Variants in NVL observed in about 807,000 individuals in gnomAD.
NVL encodes nuclear VCP like, also known as nuclear valosin-containing protein-like.
In NVL, 84 loss-of-function variants were observed where a neutral mutation model predicts 110.2. The ratio of observed to expected loss-of-function variants is 0.76; its 90% CI spans 0.64 to 0.91. The LOEUF (loss-of-function observed/expected upper bound fraction) is 0.91. NVL is among the 40% of genes least tolerant of loss of function. The pLI is 0.00. For missense variants in NVL, 882 were observed against 1,035.9 expected, an observed-to-expected ratio of 0.85 and a Z score of 2.04; for synonymous variants, 354 against 361.1, an observed-to-expected ratio of 0.98 and a Z score of 0.22.
chr1:224,323,530 C>T (rs1321974538), intron 2 of NVL, among the ~76,000 whole-genome samples: 1 of 152,200 alleles, frequency 6.6e-6, no homozygotes, highest in African/African-American at 2.4e-5. Context: ...AACAGAAACA[C>T]TGCCAGCTTG....
rs769271430 is a variant in NVL, at chr1:224,305,130, T to G, written c.652A>C (p.Lys218Gln). The change falls in exon 7 of 23, where the codon AAA (lysine) becomes CAA (glutamine). Residue 218 changes from lysine (K) to glutamine (Q), a missense_variant. Physicochemically the swap from Lys to Gln is moderately conservative, Grantham distance 53 (BLOSUM62 1). This residue lies in a region of NVL where 274 missense variants were observed against 268.4 expected (regional missense o/e 1.02). Transcript: ENST00000281701. ...KDSSLLESDM[K>Q]RKGKLKNKGS... is the part of the protein sequence containing the mutation. ...TTATTCTTTAGCTTGCCTTTCCGTT[T>G]CATATCACTCTCCAAAAGAGAAGAA... The G allele has an allele frequency of 3.5e-5, 56 of 1,613,406 alleles. No individual in the cohort carries two copies. The highest frequency in any genetic ancestry group is 4.6e-5 in the Non-Finnish European group (54 of 1,179,862).
intron 18 of NVL, among the ~76,000 whole-genome samples, chr1:224,252,360 G>T (rs10916569): frequency 1.8e-3 from 267 of 152,066 alleles, no homozygotes; most frequent in African/African-American, 6.0e-3. Context: ...CCTCCACAAA[G>T]ACCCCATTTT....
At position 224,294,327 on chromosome 1, in the gene NVL, C is replaced by A. The variant is rs746278047; in HGVS notation, c.1265G>T (p.Arg422Leu). 9 of 1,613,970 alleles carry A rather than the reference C, an allele frequency of 5.6e-6. No individual in the cohort carries two copies. The East Asian group carries it at 1.8e-4, about 32-fold the overall frequency. ...TATTTCTCGGTCGAACCTTCCCGCA[C>A]GTCTCAAAGCAGGGTCTAACGAGTC... ...RPDSLDPALR[R>L]AGRFDREICL... Residue 422 changes from arginine to leucine, a missense_variant, in exon 12 of 23, where the codon CGT (arginine) becomes CTT (leucine). Arg to Leu is a moderately radical substitution (Grantham distance 102). Transcript: ENST00000281701.
chr1:224,318,143 T>C (rs1211771719), intron 2 of NVL, among the ~76,000 whole-genome samples: 1 of 152,222 alleles, frequency 6.6e-6, no homozygotes, highest in Non-Finnish European at 1.5e-5. Flanking sequence ...CTTTTTTGCT[T>C]CAAATATTTT....
chr1:224,287,591 G>A (rs1001515018), intron 14 of NVL, among the ~76,000 whole-genome samples, 184 bp downstream of exon 14: 6 of 151,838 alleles, frequency 4.0e-5, no homozygotes, highest in Non-Finnish European at 5.9e-5. Flanking sequence ...TAAACAAATC[G>A]GATCTCAAAC....
At chr1:224,314,630 G>A (rs887942152) in intron 4 of NVL, among the ~76,000 whole-genome samples, 6 of 151,992 alleles carry the variant, frequency 3.9e-5, no homozygotes, top group Non-Finnish European at 7.4e-5. Context: ...AACTGTGGTC[G>A]AACACTAACA....
In NVL at chr1:224,303,797, C is replaced by T; in HGVS notation, c.886G>A (p.Val296Met). ...HPEVYHHLGVVPPRGVLLHGP... is the reference protein window; with the variant it reads ...HPEVYHHLGVMPPRGVLLHGP... ...TGAAGGAGAACTCCACGAGGGGGCACGACGCCCAGGTGGTGGTACACCTCC... is the reference window on the plus strand; with the variant it reads ...TGAAGGAGAACTCCACGAGGGGGCATGACGCCCAGGTGGTGGTACACCTCC... The change falls in exon 9 of 23, where the codon GTG (valine) becomes ATG (methionine). Residue 296 changes from valine to methionine, a missense_variant. Around this residue, in one of 4 missense-constraint regions of NVL, gnomAD observed 416 missense variants for 499.3 expected, o/e 0.83. Coordinates refer to ENST00000281701, the MANE Select transcript of NVL (RefSeq NM_002533.4). 5 of 1,613,446 alleles carry T rather than the reference C, an allele frequency of 3.1e-6. No individual in the cohort carries two copies. Among genetic ancestry groups the T allele is most frequent in the South Asian group, 1.1e-5 (1 of 90,930 alleles).
chr1:224,303,988 G>T, intron 8 of NVL, 131 bp from the exon 9 acceptor site: 1 of 981,106 alleles, frequency 1.0e-6, no homozygotes, highest in Non-Finnish European at 1.4e-6. Context: ...ATCAGACTTT[G>T]AATCCTGGCT....
At chr1:224,265,161 G>T (rs192341848) in intron 18 of NVL, among the ~76,000 whole-genome samples, 2 of 151,976 alleles carry the variant, frequency 1.3e-5, no homozygotes, top group African/African-American at 4.8e-5. Context: ...ACAAAACACC[G>T]GTACCACATT....
chr1:224,264,967 G>A (rs778034511), intron 18 of NVL, among the ~76,000 whole-genome samples: 1 of 151,930 alleles, frequency 6.6e-6, no homozygotes, highest in Non-Finnish European at 1.5e-5. Context: ...TGATGGTCTC[G>A]ATCTTCTAAC....
chr1:224,306,263 TA>T (rs1282748495), intron 6 of NVL, among the ~76,000 whole-genome samples: 24 of 151,714 alleles, frequency 1.6e-4, no homozygotes, highest in African/African-American at 5.8e-4. Context: ...TTCCAACTCT[TA>T]AAAAAAAATT....
chr1:224,307,434 G>A (rs1464554181), intron 6 of NVL, among the ~76,000 whole-genome samples: 2 of 152,190 alleles, frequency 1.3e-5, no homozygotes, highest in Non-Finnish European at 2.9e-5. Context: ...ATATGTGGTG[G>A]CTCACGCCTA....
At chr1:224,308,893 C>T (rs2102725045) in intron 5 of NVL, among the ~76,000 whole-genome samples, 1 of 151,748 alleles carries the variant, frequency 6.6e-6, no homozygotes, top group South Asian at 2.1e-4. Flanking sequence ...AACCCTGTCT[C>T]TACTAAAAAT....
chr1:224,255,874 T>C (rs1663164624), intron 18 of NVL, among the ~76,000 whole-genome samples: 1 of 152,240 alleles, frequency 6.6e-6, no homozygotes, highest in South Asian at 2.1e-4. Context: ...CTTTGATTCA[T>C]TTTGAGTTAT....
chr1:224,287,505 C>T (rs1666980497), intron 14 of NVL, among the ~76,000 whole-genome samples: 1 of 152,166 alleles, frequency 6.6e-6, no homozygotes, highest in African/African-American at 2.4e-5. Flanking sequence ...TTCATCAATA[C>T]ACATTTAATA....
chr1:224,327,549 A>G (rs1671260700), intron 1 of NVL, among the ~76,000 whole-genome samples: 1 of 152,172 alleles, frequency 6.6e-6, no homozygotes, highest in South Asian at 2.1e-4. Context: ...TATATGAAAC[A>G]TAAATAAACT....
intron 21 of NVL, chr1:224,232,254 G>C (rs1429641158): frequency 6.6e-6 from 1 of 151,142 alleles, no homozygotes; most frequent in Non-Finnish European, 1.5e-5. Flanking sequence ...TTGGGAGGCT[G>C]AGGCAGGAGA....
In NVL at chr1:224,239,781, A is replaced by G. The variant is rs372724421; in HGVS notation, c.2290-3199T>C. ...ATTTAATGAACTGGCTTTGTGTAAT[A>G]CCCTCAGTTTATATTAAGAAAATGA... On this transcript the variant is annotated intron_variant, in intron 19 of 22. Transcript: ENST00000281701. 4.6e-4 allele frequency among the ~76,000 whole-genome samples: 70 copies of G among 152,226 alleles called. No individual in the cohort carries two copies. In the South Asian group the frequency reaches 0.014, roughly 31 times the overall value.
intron 13 of NVL, 159 bp downstream of exon 13, chr1:224,289,325 G>T: frequency 1.7e-6 from 1 of 584,026 alleles, no homozygotes; most frequent in Non-Finnish European, 2.8e-6. Flanking sequence ...TCATATTTTT[G>T]AAATGATAAA....
Sources: gnomAD v4.1 joint callset for allele counts (sites outside exome capture counted in the v4.1 genomes callset) on GRCh38, gnomAD v4.1.1 for gene constraint, gnomAD v4.1.1 regional missense constraint, MANE v1.5 for transcripts, NCBI Gene and HGNC (gene_info 2026-07-23, HGNC 2026-07-21) for gene names.